Variants in SCN9A observed in about 807,000 individuals in gnomAD.
SCN9A encodes sodium channel protein type 9 subunit alpha.
In SCN9A, 131 loss-of-function variants were observed where a neutral mutation model predicts 187.0. That is an observed-to-expected ratio of 0.70 (90% confidence interval 0.61 to 0.81). The LOEUF (loss-of-function observed/expected upper bound fraction) is 0.81, where lower values mean the gene tolerates loss of function less well. Ranked by LOEUF, SCN9A falls within the 30% of genes least tolerant of loss-of-function variation. The pLI is 0.00. For missense variants in SCN9A, 2,252 were observed against 2,396.6 expected (o/e 0.94, Z 1.26); for synonymous variants, 809 against 808.6 (o/e 1.00, Z -0.01).
chr2:166,317,833 A>G (rs1699144307), intron 1 of SCN9A, among the ~76,000 whole-genome samples: 1 of 152,180 alleles, frequency 6.6e-6, no homozygotes. Context: ...GAAATGTTAG[A>G]TAATATCACT....
intron 1 of SCN9A, chr2:166,321,507 A>C (rs1274045745): frequency 7.6e-6 from 1 of 131,558 alleles, no homozygotes; most frequent in African/African-American, 3.2e-5. Flanking sequence ...TGGATGACAG[A>C]CAGAGACCCT....
intron 21 of SCN9A, among the ~76,000 whole-genome samples, chr2:166,232,750 TATAGAGAG>T (rs751307044): frequency 6.1e-5 from 7 of 113,958 alleles, no homozygotes; most frequent in Admixed American, 2.5e-4. Context: ...TATATATATA[TATAGAGAG>T]AGAGAGAGTA....
At chr2:166,225,980 C>T (rs188038934) in intron 24 of SCN9A, among the ~76,000 whole-genome samples, 49 of 152,082 alleles carry the variant, frequency 3.2e-4, no homozygotes, top group African/African-American at 1.2e-3. Context: ...GTTTTAAGCC[C>T]TCAGGTTTGT....
In SCN9A at chr2:166,251,265, C is replaced by G. The variant is rs544660382; in HGVS notation, c.3472+500G>C. 3.9e-5 allele frequency among the ~76,000 whole-genome samples: 6 copies of G among 152,064 alleles called. No individual in the cohort carries two copies. The South Asian group carries it at 1.2e-3, about 31-fold the overall frequency. The stretch of plus-strand genomic sequence containing the variant: ...ATTTACAGGATGTGCAGAAAAAATA[C>G]TCATTAAAGAAATAGAGAGAGGAAC... On this transcript the variant is annotated intron_variant, in intron 18 of 26. Coordinates refer to ENST00000642356, the MANE Select transcript of SCN9A (RefSeq NM_001365536.1).
intron 1 of SCN9A, among the ~76,000 whole-genome samples, chr2:166,322,869 C>A (rs933241250): frequency 6.6e-6 from 1 of 152,000 alleles, no homozygotes; most frequent in Non-Finnish European, 1.5e-5. Flanking sequence ...CTTGGACATC[C>A]CAGTTAAGCA....
chr2:166,257,854 A>T (rs559723002), intron 17 of SCN9A, among the ~76,000 whole-genome samples: 13 of 151,626 alleles, frequency 8.6e-5, no homozygotes, highest in African/African-American at 2.7e-4. Context: ...TTCTGGAATA[A>T]AATAGTTTTC....
intron 7 of SCN9A, among the ~76,000 whole-genome samples, chr2:166,297,421 A>T (rs1011618538): frequency 2.0e-5 from 3 of 152,132 alleles, no homozygotes; most frequent in East Asian, 1.9e-4. Context: ...ATGAAATATC[A>T]TTTAGCAATA....
In SCN9A at chr2:166,195,686, A is replaced by C. The variant is rs201730339; in HGVS notation, c.*2986T>G. 2 of 152,196 alleles carry C rather than the reference A, an allele frequency of 1.3e-5. No individual in the cohort carries two copies. Among genetic ancestry groups the C allele is most frequent in the Non-Finnish European group, 2.9e-5 (2 of 68,032 alleles). 9.4% of individuals were successfully genotyped at this position (152,196 alleles called of 1,614,324 possible). A position where few individuals can be genotyped will look rare whatever the true frequency, so the allele number is the denominator to read the frequency against. On this transcript the variant is annotated 3_prime_UTR_variant, in exon 27 of 27. Transcript: ENST00000642356. Reference sequence around the variant, plus strand: ...TAAAAACAGCTCACAAGTCACCCAAATCTTTTGCAAACTAGGTAACTATCA... The same window carrying C: ...TAAAAACAGCTCACAAGTCACCCAACTCTTTTGCAAACTAGGTAACTATCA...
At chr2:166,332,088 T>G (rs1043463019) in intron 1 of SCN9A, among the ~76,000 whole-genome samples, 8 of 152,158 alleles carry the variant, frequency 5.3e-5, no homozygotes, top group African/African-American at 1.9e-4. Context: ...TCTCCTAAGC[T>G]TATTCAAATG....
At position 166,306,609 on chromosome 2, in the gene SCN9A, A is replaced by C; in HGVS notation, c.378-10T>G. The C allele has an allele frequency of 1.3e-6, 2 of 1,535,788 alleles. No individual in the cohort carries two copies. The highest frequency in any genetic ancestry group is 1.8e-6 in the Non-Finnish European group (2 of 1,125,208). ...GAGCATGCTGAATAAGGTAGCTTAG[A>C]ATCAAGGAACAAAAGAGACGACAGT... On this transcript the variant is annotated splice_polypyrimidine_tract_variant and intron_variant, in intron 3 of 26. Transcript: ENST00000642356.
At chr2:166,338,237 G>A (rs1699676993) in intron 1 of SCN9A, among the ~76,000 whole-genome samples, 1 of 152,064 alleles carries the variant, frequency 6.6e-6, no homozygotes, top group Non-Finnish European at 1.5e-5. Context: ...CTTATCAATT[G>A]TAACAACTGC....
rs765126771 is a variant in SCN9A, at chr2:166,286,415, C to T, written c.1523G>A (p.Ser508Asn). ...AAGGTGGAAACTTTTTCTTCTGATGCTGTCCTCTGATTCTGATTTCGACAA... is the reference window on the plus strand; with the variant it reads ...AAGGTGGAAACTTTTTCTTCTGATGTTGTCCTCTGATTCTGATTTCGACAA... ...EKLSKSESED[S>N]IRRKSFHLGV... Residue 508 changes from serine to asparagine, a missense_variant, in exon 11 of 27, where the codon AGC becomes AAC. Physicochemically the swap from Ser to Asn is conservative, Grantham distance 46. This residue lies in a region of SCN9A where 1,013 missense variants were observed against 997.4 expected (regional missense o/e 1.02). Transcript: ENST00000642356. 2.7e-5 allele frequency: 43 copies of T among 1,613,772 alleles called. No homozygotes were observed. The highest frequency in any genetic ancestry group is 3.6e-5 in the Non-Finnish European group (42 of 1,179,836).
At chr2:166,312,316 C>G (rs1261549232) in intron 1 of SCN9A, among the ~76,000 whole-genome samples, 1 of 152,152 alleles carries the variant, frequency 6.6e-6, no homozygotes, top group Non-Finnish European at 1.5e-5. Context: ...CAATCAGAAG[C>G]AACTCCTCAT....
At chr2:166,357,261 A>T (rs1041897622) in intron 1 of SCN9A, among the ~76,000 whole-genome samples, 6 of 152,306 alleles carry the variant, frequency 3.9e-5, no homozygotes, top group Admixed American at 3.9e-4. Flanking sequence ...AATGCTTCAG[A>T]GTGAAATTGC....
chr2:166,297,386 A>G (rs1698364658), intron 7 of SCN9A, among the ~76,000 whole-genome samples: 1 of 152,084 alleles, frequency 6.6e-6, no homozygotes. Flanking sequence ...ATGAATGTAT[A>G]AACAAAATAT....
chr2:166,332,005 C>T (rs774053322), intron 1 of SCN9A, among the ~76,000 whole-genome samples: 5 of 151,996 alleles, frequency 3.3e-5, no homozygotes, highest in African/African-American at 4.8e-5. Flanking sequence ...TGACACCTGC[C>T]GTGGAAAGCT....
At chr2:166,204,325 A>ATATGAATAATTAGAAAT in intron 25 of SCN9A, 35 bp downstream of exon 25, 2 of 1,567,030 alleles carry the variant, frequency 1.3e-6, no homozygotes, top group Non-Finnish European at 1.7e-6. Context: ...AATAATTTGA[A>ATATGAATAATTAGAAAT]AATCTATATG....
chr2:166,360,237 A>C (rs550018415), intron 1 of SCN9A, among the ~76,000 whole-genome samples: 803 of 34,034 alleles, frequency 0.024, 18 homozygotes, highest in Non-Finnish European at 0.026. Flanking sequence ...AAAAAAAAAG[A>C]AAAAAAAAAA....
In SCN9A at chr2:166,204,379, T is replaced by A. The variant is rs1693692977; in HGVS notation, c.4484A>T (p.Lys1495Met). 6.2e-7 allele frequency: 1 copy of A among 1,609,418 alleles called. No individual in the cohort carries two copies. The highest frequency in any genetic ancestry group is 1.3e-5 in the African/African-American group (1 of 74,846). ...TTTTACCCCTGGTCGAGGAATTGGC[T>A]TTTGTGGCTTCTTGGACCCCAGCTT... is the stretch of plus-strand genomic sequence containing the variant. ...MKKLGSKKPQ[K>M]PIPRPGNKIQ... Residue 1495 changes from lysine (K) to methionine (M), a missense_variant, in exon 25 of 27, where the codon AAG (lysine) becomes ATG (methionine). Physicochemically the swap from Lys to Met is moderately conservative, Grantham distance 95. Transcript: ENST00000642356.
Sources: gnomAD v4.1 joint callset for allele counts (sites outside exome capture counted in the v4.1 genomes callset) on GRCh38, gnomAD v4.1.1 for gene constraint, gnomAD v4.1.1 regional missense constraint, MANE v1.5 for transcripts, NCBI Gene and HGNC (gene_info 2026-07-23, HGNC 2026-07-21) for gene names.